CNTNAP4: variants seen among roughly 807,000 people sequenced by gnomAD.
CNTNAP4 encodes the protein contactin-associated protein-like 4.
CNTNAP4 carries 98 observed loss-of-function variants against 148.4 expected under a neutral mutation model. The observed-to-expected ratio is 0.66, with a 90% CI of 0.56 to 0.78. The LOEUF (loss-of-function observed/expected upper bound fraction) is 0.78, where lower values mean the gene tolerates loss of function less well. Ranked by LOEUF, CNTNAP4 falls within the 30% of genes least tolerant of loss-of-function variation. The probability of loss-of-function intolerance (pLI) is 0.00; values close to 1 mark genes in which losing one functional copy is unlikely to be tolerated. For missense variants in CNTNAP4, 1,935 were observed against 1,565.6 expected (o/e 1.24, Z -3.98); for synonymous variants, 730 against 565.1 (o/e 1.29, Z -4.14).
intron 3 of CNTNAP4, among the ~76,000 whole-genome samples, chr16:76,383,895 T>C (rs186340284): frequency 7.6e-4 from 116 of 152,308 alleles, no homozygotes; most frequent in African/African-American, 2.7e-3. Flanking sequence ...TTTTAAATTC[T>C]GTTCTCTCTA....
At chr16:76,499,641 A>G (rs574183578) in intron 15 of CNTNAP4, among the ~76,000 whole-genome samples, 12 of 150,694 alleles carry the variant, frequency 8.0e-5, no homozygotes, top group African/African-American at 2.7e-4. Flanking sequence ...ACAATAGTGG[A>G]GGGAAGGTCA....
At chr16:76,554,817 T>C (rs1309408153) in intron 23 of CNTNAP4, among the ~76,000 whole-genome samples, 5 of 152,140 alleles carry the variant, frequency 3.3e-5, no homozygotes, top group African/African-American at 4.8e-5. Flanking sequence ...CTCTATTCAG[T>C]CACAAACCCA....
chr16:76,353,253 C>T (rs2012088353), intron 2 of CNTNAP4, among the ~76,000 whole-genome samples: 1 of 152,132 alleles, frequency 6.6e-6, no homozygotes, highest in Non-Finnish European at 1.5e-5. Flanking sequence ...GTATCTAATT[C>T]TAAAGACAGT....
intron 4 of CNTNAP4, among the ~76,000 whole-genome samples, chr16:76,439,044 T>G (rs1266474753): frequency 1.3e-5 from 2 of 152,182 alleles, no homozygotes; most frequent in African/African-American, 4.8e-5. Context: ...TGTACATATT[T>G]ACATTATAAT....
At chr16:76,328,184 C>G (rs1963181851) in intron 2 of CNTNAP4, among the ~76,000 whole-genome samples, 1 of 152,314 alleles carries the variant, frequency 6.6e-6, no homozygotes, top group South Asian at 2.1e-4. Flanking sequence ...GTGGAGAAAT[C>G]TGACAAACAC....
At chr16:76,506,502 A>G (rs1301552612) in intron 15 of CNTNAP4, among the ~76,000 whole-genome samples, 2 of 33,958 alleles carry the variant, frequency 5.9e-5, no homozygotes, top group African/African-American at 1.1e-4. Flanking sequence ...TTTTTTTTTG[A>G]CAGAATTGCC....
intron 15 of CNTNAP4, among the ~76,000 whole-genome samples, chr16:76,518,555 T>C (rs558278934): frequency 1.3e-5 from 2 of 152,340 alleles, no homozygotes; most frequent in East Asian, 3.9e-4. Context: ...ATAATACTTA[T>C]GCATATTTAT....
chr16:76,381,395 T>C lies in CNTNAP4; in HGVS notation c.390+25884T>C, dbSNP rs547955277. Among the ~76,000 whole-genome samples, 3 of 152,228 alleles carry C rather than the reference T, an allele frequency of 2.0e-5. No homozygotes were observed. The East Asian group carries it at 5.8e-4, about 29-fold the overall frequency. On this transcript the variant is annotated intron_variant, in intron 3 of 23. Transcript: ENST00000611870. ...AGACTCTGAGAGACACATGGCTCTA[T>C]CTAGGAGAAGTCACAATGATAATTC... is the stretch of plus-strand genomic sequence containing the variant.
intron 14 of CNTNAP4, among the ~76,000 whole-genome samples, chr16:76,497,049 T>G (rs746852949): frequency 6.6e-6 from 1 of 152,180 alleles, no homozygotes; most frequent in Non-Finnish European, 1.5e-5. Context: ...TAATAGAAAT[T>G]CTTCAGGCTA....
At chr16:76,487,375 T>A (rs976375069) in intron 12 of CNTNAP4, among the ~76,000 whole-genome samples, 2 of 152,242 alleles carry the variant, frequency 1.3e-5, no homozygotes, top group Non-Finnish European at 2.9e-5. Flanking sequence ...GCTATTCTCA[T>A]AGAGCTTACA....
At chr16:76,552,827 C>T (rs2085013424) in intron 21 of CNTNAP4, among the ~76,000 whole-genome samples, 1 of 152,172 alleles carries the variant, frequency 6.6e-6, no homozygotes, top group Non-Finnish European at 1.5e-5. Flanking sequence ...CATCTGATAA[C>T]AGAAGTCCAG....
At chr16:76,416,086 A>C (rs918092657) in intron 3 of CNTNAP4, among the ~76,000 whole-genome samples, 1 of 150,946 alleles carries the variant, frequency 6.6e-6, no homozygotes, top group Non-Finnish European at 1.5e-5. Flanking sequence ...TCTGATATCC[A>C]TGGGCTCAAT....
chr16:76,309,965 T>C (rs1238016244), intron 1 of CNTNAP4: 2 of 691,196 alleles, frequency 2.9e-6, no homozygotes, highest in Non-Finnish European at 5.3e-6. Flanking sequence ...ATCAGCAGCA[T>C]GGAAACGGAC....
At chr16:76,493,070 A>G (rs2082281064) in intron 13 of CNTNAP4, among the ~76,000 whole-genome samples, 1 of 152,108 alleles carries the variant, frequency 6.6e-6, no homozygotes. Context: ...TAAATACAGA[A>G]GTTTTTCTCA....
At chr16:76,439,800 C>G (rs1038037222) in intron 4 of CNTNAP4, among the ~76,000 whole-genome samples, 1 of 152,072 alleles carries the variant, frequency 6.6e-6, no homozygotes, top group Non-Finnish European at 1.5e-5. Flanking sequence ...TTGTTTTAAA[C>G]TTAAGAGTCC....
At chr16:76,300,346 G>A (rs1172625646) in intron 1 of CNTNAP4, among the ~76,000 whole-genome samples, 20 of 151,654 alleles carry the variant, frequency 1.3e-4, no homozygotes, top group Admixed American at 1.3e-3. Context: ...CAATAAAATG[G>A]GAGAGCTGTG....
At chr16:76,402,298 A>T (rs910911625) in intron 3 of CNTNAP4, among the ~76,000 whole-genome samples, 1 of 151,252 alleles carries the variant, frequency 6.6e-6, no homozygotes, top group Non-Finnish European at 1.5e-5. Flanking sequence ...TAGCCATCTC[A>T]GGTTTTCTAG....
intron 1 of CNTNAP4, among the ~76,000 whole-genome samples, chr16:76,296,018 T>C (rs1002940918): frequency 6.6e-6 from 1 of 152,186 alleles, no homozygotes; most frequent in African/African-American, 2.4e-5. Flanking sequence ...TGTGTTCATT[T>C]TTTGAAACTC....
At chr16:76,462,290 G>A (rs548046587) in intron 9 of CNTNAP4, among the ~76,000 whole-genome samples, 185 bp downstream of exon 9, 2 of 152,166 alleles carry the variant, frequency 1.3e-5, no homozygotes, top group African/African-American at 4.8e-5. Context: ...ATTTCTGCAA[G>A]GTGGACTTAC....
Sources: gnomAD v4.1 joint callset for allele counts (sites outside exome capture counted in the v4.1 genomes callset) on GRCh38, gnomAD v4.1.1 for gene constraint, MANE v1.5 for transcripts, NCBI Gene and HGNC (gene_info 2026-07-23, HGNC 2026-07-21) for gene names.